Variants in MDGA1 observed in about 807,000 individuals in gnomAD.
MDGA1 encodes the protein MAM domain containing glycosylphosphatidylinositol anchor 1.
A neutral mutation model predicts 101.5 loss-of-function variants in MDGA1; 54 were observed. The ratio of observed to expected loss-of-function variants is 0.53; its 90% CI spans 0.43 to 0.67. MDGA1 has a LOEUF of 0.67. Among genes scored for constraint, MDGA1 ranks in the 30% least tolerant of loss-of-function variants. The pLI is 0.00. For synonymous variants in MDGA1, 533 were observed against 558.3 expected (o/e 0.95, Z 0.64); for missense variants, 1,083 against 1,323.8 (o/e 0.82, Z 2.82).
Position 37,662,824 on chromosome 6 carries a change from G to T in MDGA1, c.207+1143C>A, listed in dbSNP as rs113333629. 9.0e-3 allele frequency among the ~76,000 whole-genome samples: 1,371 copies of T among 152,144 alleles called. 13 individuals are homozygous for T. Among genetic ancestry groups the T allele is most frequent in the South Asian group, 0.048 (230 of 4,812 alleles). Reference sequence around the variant, plus strand: ...ATGACCCATACAGGGACACCCAAGGGGACACACACAGATGGCCAGTGCAGC... The same window carrying T: ...ATGACCCATACAGGGACACCCAAGGTGACACACACAGATGGCCAGTGCAGC... On this transcript the variant is annotated intron_variant, in intron 2 of 16. Coordinates refer to ENST00000434837, the MANE Select transcript of MDGA1 (RefSeq NM_153487.4).
intron 6 of MDGA1, 78 bp downstream of exon 6, chr6:37,654,196 A>C: frequency 7.0e-7 from 1 of 1,435,024 alleles, no homozygotes; most frequent in Non-Finnish European, 9.2e-7. Flanking sequence ...CCCCTTTCCT[A>C]GTTCATTGGT....
intron 1 of MDGA1, among the ~76,000 whole-genome samples, chr6:37,685,495 G>A (rs1281297104): frequency 6.6e-6 from 1 of 152,144 alleles, no homozygotes; most frequent in Non-Finnish European, 1.5e-5. Flanking sequence ...GGTCTCATGT[G>A]GGTGTGGGCC....
chr6:37,696,740 C>G lies in MDGA1; in HGVS notation c.67+5G>C. The G allele has an allele frequency of 1.3e-6, 2 of 1,577,986 alleles. No individual in the cohort carries two copies. The highest frequency in any genetic ancestry group is 1.7e-6 in the Non-Finnish European group (2 of 1,161,062). ...GCCAAGGTGGAGCGGGACGCGGGCTCTTACCGTAGACTCCTTGTCCCCGGC... is the reference window on the plus strand; with the variant it reads ...GCCAAGGTGGAGCGGGACGCGGGCTGTTACCGTAGACTCCTTGTCCCCGGC... On this transcript the variant is annotated splice_donor_5th_base_variant and intron_variant, in intron 1 of 16. Coordinates refer to ENST00000434837, the MANE Select transcript of MDGA1 (RefSeq NM_153487.4). The surrounding 1 kb of genome is among the most constrained non-coding windows in gnomAD (Gnocchi z 5.6).
chr6:37,647,269 G>A lies in MDGA1; in HGVS notation c.1950C>T (p.His650=). The change falls in exon 10 of 17, where the codon CAC becomes CAT. Residue 650 remains histidine, a synonymous_variant. Transcript: ENST00000434837. ...YFDTPNPTRS[H]KLSKNYSYVL... ...CGTAGGAGTAGTTCTTGGACAGCTT[G>A]TGGCTGCGGGTGGGGTTGGGGGTGT... 6.4e-7 allele frequency: 1 copy of A among 1,562,188 alleles called. No homozygotes were observed. The highest frequency in any genetic ancestry group is 1.7e-4 in the Middle Eastern group (1 of 6,000).
At position 37,633,210 on chromosome 6, in the gene MDGA1, C is replaced by G. The variant is rs79180486; in HGVS notation, c.*4158G>C. Reference sequence around the variant, plus strand: ...ACACACACACACACACACAAACACACGCACACTCCACACATCACACACATT... The same window carrying G: ...ACACACACACACACACACAAACACAGGCACACTCCACACATCACACACATT... On this transcript the variant is annotated 3_prime_UTR_variant, in exon 17 of 17. Transcript: ENST00000434837. The G allele has an allele frequency of 7.6e-3, 1,158 of 152,502 alleles. 15 individuals carry two copies. The highest frequency in any genetic ancestry group is 0.026 in the African/African-American group (1,091 of 41,450). 9.4% of individuals were successfully genotyped at this position (152,502 alleles called of 1,614,324 possible).
In MDGA1 at chr6:37,644,038, C is replaced by G. The variant is rs577569389; in HGVS notation, c.2402-95G>C. 26 of 1,495,614 alleles carry G rather than the reference C, an allele frequency of 1.7e-5. No individual in the cohort carries two copies. In the South Asian group the frequency reaches 3.2e-4, roughly 18 times the overall value. The allele number at this position is 1,495,614 out of a possible 1,614,324, so 92.6% of individuals were successfully genotyped here. A position where few individuals can be genotyped will look rare whatever the true frequency, so the allele number is the denominator to read the frequency against. ...CTGCCTAGGCCTCTGCGGGCTGAAT[C>G]TGAAGTGCCTCGCCCCACGCATCCT... On this transcript the variant is annotated intron_variant, in intron 13 of 16. Transcript: ENST00000434837.
rs752997815 is a variant in MDGA1 at position 37,663,990 on chromosome 6, C to G, written c.184G>C (p.Val62Leu). ...EGDTLMLQCL[V>L]TGHPRPQVRW... ...ACCTGGGGTCGAGGGTGCCCTGTTA[C>G]AAGGCACTGCAGCATGAGGGTGTCC... The change falls in exon 2 of 17, where the codon GTA becomes CTA. Residue 62 changes from valine to leucine, a missense_variant. Around this residue, in one of 3 missense-constraint regions of MDGA1, gnomAD observed 310 missense variants for 355.9 expected, o/e 0.87. Transcript: ENST00000434837. 1 of 1,613,928 alleles carries G rather than the reference C, an allele frequency of 6.2e-7. No individual in the cohort carries two copies. The highest frequency in any genetic ancestry group is 1.7e-5 in the Admixed American group (1 of 60,024).
At position 37,655,968 on chromosome 6, in the gene MDGA1, C is replaced by A; in HGVS notation, c.383-72G>T. ...GTTGGGGGGCTCAGGCTCCTGGCAGCCCTTAGGAAGAGCTGAGCCACCCTC... is the reference window on the plus strand; with the variant it reads ...GTTGGGGGGCTCAGGCTCCTGGCAGACCTTAGGAAGAGCTGAGCCACCCTC... On this transcript the variant is annotated intron_variant, in intron 3 of 16. Coordinates refer to ENST00000434837, the MANE Select transcript of MDGA1 (RefSeq NM_153487.4). The surrounding 1 kb of genome is among the most constrained non-coding windows in gnomAD (Gnocchi z 5.1). 1 of 1,361,382 alleles carries A rather than the reference C, an allele frequency of 7.3e-7. No individual in the cohort carries two copies. Among genetic ancestry groups the A allele is most frequent in the Non-Finnish European group, 9.9e-7 (1 of 1,006,198 alleles). 84.3% of individuals were successfully genotyped at this position (1,361,382 alleles called of 1,614,324 possible). A position where few individuals can be genotyped will look rare whatever the true frequency, so the allele number is the denominator to read the frequency against.
chr6:37,652,418 C>G lies in MDGA1; in HGVS notation c.983-78G>C, dbSNP rs957392629. 12 of 1,147,616 alleles carry G rather than the reference C, an allele frequency of 1.0e-5. No homozygotes were observed. The Admixed American group carries it at 1.4e-4, about 13-fold the overall frequency. 71.1% of individuals were successfully genotyped at this position (1,147,616 alleles called of 1,614,324 possible). Reference sequence around the variant, plus strand: ...TCCATGTCCCACCCCAACCCAGACCCAGCTTCTCCCCTCTAGCTGGCCCTT... The same window carrying G: ...TCCATGTCCCACCCCAACCCAGACCGAGCTTCTCCCCTCTAGCTGGCCCTT... On this transcript the variant is annotated intron_variant, in intron 6 of 16. Transcript: ENST00000434837. This position sits in a 1 kb window ranked among gnomAD's most constrained non-coding sequence, Gnocchi z 4.3.
intron 6 of MDGA1, 27 bp downstream of exon 6, chr6:37,654,247 C>T: frequency 1.3e-6 from 2 of 1,514,682 alleles, no homozygotes; most frequent in Non-Finnish European, 1.8e-6. Context: ...TCACAACTTC[C>T]CTCCCACCCC....
Position 37,638,480 on chromosome 6 carries a change from T to A in MDGA1, c.2667+57A>T. The A allele has an allele frequency of 6.2e-7, 1 of 1,608,962 alleles. No homozygotes were observed. The highest frequency in any genetic ancestry group is 8.5e-7 in the Non-Finnish European group (1 of 1,176,766). On this transcript the variant is annotated intron_variant, in intron 15 of 16. Transcript: ENST00000434837. This position sits in a 1 kb window ranked among gnomAD's most constrained non-coding sequence, Gnocchi z 4.8. Reference sequence around the variant, plus strand: ...GAAGGACAAGGTTTTCCTAAGTGTTTCCTGGCCACAGCAACCACCGAAGCC... The same window carrying A: ...GAAGGACAAGGTTTTCCTAAGTGTTACCTGGCCACAGCAACCACCGAAGCC...
At chr6:37,690,898 C>A (rs1039876599) in intron 1 of MDGA1, among the ~76,000 whole-genome samples, 2 of 152,138 alleles carry the variant, frequency 1.3e-5, no homozygotes, top group African/African-American at 4.8e-5. Flanking sequence ...AGCTTCCAGG[C>A]CTTTGCCACA....
intron 1 of MDGA1, among the ~76,000 whole-genome samples, chr6:37,694,645 G>A (rs1232975719): frequency 1.4e-5 from 2 of 145,968 alleles, no homozygotes; most frequent in African/African-American, 2.6e-5. Context: ...GCATCACAAG[G>A]AACTCAGCGA....
rs977715694 is a variant in MDGA1 at position 37,635,623 on chromosome 6, T to C, written c.*1745A>G. 1.0e-5 allele frequency: 4 copies of C among 398,582 alleles called. No homozygotes were observed. Among genetic ancestry groups the C allele is most frequent in the Non-Finnish European group, 1.8e-5 (4 of 226,108 alleles). The allele number at this position is 398,582 out of a possible 1,614,324, so 24.7% of individuals were successfully genotyped here. Reference sequence around the variant, plus strand: ...GCAGCCTTTGCCTCGGTTCCCCGCCTGCCTCCTGGCACTGCAGTGCTGCCC... The same window carrying C: ...GCAGCCTTTGCCTCGGTTCCCCGCCCGCCTCCTGGCACTGCAGTGCTGCCC... On this transcript the variant is annotated 3_prime_UTR_variant, in exon 17 of 17. Transcript: ENST00000434837.
At position 37,686,768 on chromosome 6, in the gene MDGA1, C is replaced by A. The variant is rs987106110; in HGVS notation, c.67+9977G>T. Among the ~76,000 whole-genome samples the A allele has an allele frequency of 2.6e-5, 4 of 152,120 alleles. No homozygotes were observed. In the South Asian group the frequency reaches 8.3e-4, roughly 32 times the overall value. Reference sequence around the variant, plus strand: ...AAACCTTCCAGGTTATTCTAACATGCAGCCAAGTTTGAGAACCACCACCAT... The same window carrying A: ...AAACCTTCCAGGTTATTCTAACATGAAGCCAAGTTTGAGAACCACCACCAT... On this transcript the variant is annotated intron_variant, in intron 1 of 16. Transcript: ENST00000434837.
At chr6:37,641,470 C>CT (rs1581842270) in intron 14 of MDGA1, among the ~76,000 whole-genome samples, 1 of 152,182 alleles carries the variant, frequency 6.6e-6, no homozygotes, top group East Asian at 1.9e-4. Flanking sequence ...TTCCAGGTCC[C>CT]TATGGCTATG....
At chr6:37,640,386 C>T (rs1764038503) in intron 14 of MDGA1, among the ~76,000 whole-genome samples, 1 of 151,924 alleles carries the variant, frequency 6.6e-6, no homozygotes, top group African/African-American at 2.4e-5. Context: ...GGTGCGGGGA[C>T]AGGGTCTTGG....
At position 37,647,181 on chromosome 6, in the gene MDGA1, T is replaced by C. The variant is rs767800634; in HGVS notation, c.2038A>G (p.Ile680Val). Residue 680 changes from isoleucine (I) to valine (V), a missense_variant, in exon 10 of 17, where the codon ATC becomes GTC. By Grantham distance (29) the Ile-to-Val change is conservative. Coordinates refer to ENST00000434837, the MANE Select transcript of MDGA1 (RefSeq NM_153487.4). ...GCTCCCCCTTGGCCCACCTGGCGGA[T>C]GCTGAGTCTGTAGTTGAGCACAGGG... is the stretch of plus-strand genomic sequence containing the variant. ...VDPVLNYRLS[I>V]RQLNQHNAVV... 5 of 1,595,524 alleles carry C rather than the reference T, an allele frequency of 3.1e-6. No individual in the cohort carries two copies. The highest frequency in any genetic ancestry group is 1.7e-4 in the Middle Eastern group (1 of 6,036).
rs1206453571 is a variant in MDGA1, at chr6:37,634,920, G to A, written c.*2448C>T. On this transcript the variant is annotated 3_prime_UTR_variant, in exon 17 of 17. Coordinates refer to ENST00000434837, the MANE Select transcript of MDGA1 (RefSeq NM_153487.4). This position sits in a 1 kb window ranked among gnomAD's most constrained non-coding sequence, Gnocchi z 4.7. ...CAAGTCTCCCCTGTCGGAGCAGCCA[G>A]GGTTGCGGGGCAAATGGATTGGAAG... 6.6e-6 allele frequency: 1 copy of A among 152,400 alleles called. No homozygotes were observed. The highest frequency in any genetic ancestry group is 2.4e-5 in the African/African-American group (1 of 41,484). 9.4% of individuals were successfully genotyped at this position (152,400 alleles called of 1,614,324 possible).
Sources: allele counts gnomAD v4.1 joint callset (sites outside exome capture counted in the v4.1 genomes callset), GRCh38; gene constraint gnomAD v4.1.1; regional missense constraint gnomAD v4.1.1; non-coding constraint Gnocchi (gnomAD v3.1); transcripts MANE v1.5; gene names NCBI Gene and HGNC (gene_info 2026-07-23, HGNC 2026-07-21).